The following SLC17A6 variants were observed in gnomAD, a reference collection of about 807,000 sequenced individuals.
The protein encoded by SLC17A6 is vesicular glutamate transporter 2.
SLC17A6 carries 35 observed loss-of-function variants against 67.1 expected under a neutral mutation model. The ratio of observed to expected loss-of-function variants is 0.52; its 90% CI spans 0.40 to 0.69. The LOEUF is 0.69. Among genes scored for constraint, SLC17A6 ranks in the 30% least tolerant of loss-of-function variants. The pLI is 0.00. For missense variants in SLC17A6, 588 were observed against 723.9 expected (o/e 0.81, Z 2.15); for synonymous variants, 285 against 252.3 (o/e 1.13, Z -1.23).
At chr11:22,348,484 G>A (rs1269058204) in intron 3 of SLC17A6, among the ~76,000 whole-genome samples, 1 of 152,146 alleles carries the variant, frequency 6.6e-6, no homozygotes, top group Non-Finnish European at 1.5e-5. Flanking sequence ...CTCCACACTT[G>A]ATAATGACTA....
chr11:22,362,439 AG>A lies in SLC17A6; in HGVS notation c.662-299del, dbSNP rs549312859. Reference sequence around the variant, plus strand: ...TATTGCCATACTCTGTCCCAAGTCCAGCACACAGACATGCAGGACACATGCC... The same window carrying A: ...TATTGCCATACTCTGTCCCAAGTCCACACACAGACATGCAGGACACATGCC... On this transcript the variant is annotated intron_variant, in intron 5 of 11. Coordinates refer to ENST00000263160, the MANE Select transcript of SLC17A6 (RefSeq NM_020346.3). 8.4e-4 allele frequency: 353 copies of A among 420,710 alleles called. 3 individuals carry two copies. The highest frequency in any genetic ancestry group is 3.8e-3 in the South Asian group (157 of 41,008). 26.1% of individuals were successfully genotyped at this position (420,710 alleles called of 1,614,324 possible). A position where few individuals can be genotyped will look rare whatever the true frequency, so the allele number is the denominator to read the frequency against.
At chr11:22,344,646 C>G (rs926490278) in intron 3 of SLC17A6, among the ~76,000 whole-genome samples, 1 of 152,088 alleles carries the variant, frequency 6.6e-6, no homozygotes, top group African/African-American at 2.4e-5. Flanking sequence ...AGTAGACAAA[C>G]AGTCCCTTTA....
rs59936385 is a variant in SLC17A6, at chr11:22,360,526, T to TC, written c.574-360dup. Among the ~76,000 whole-genome samples, 768 of 115,558 alleles carry TC rather than the reference T, an allele frequency of 6.6e-3. 2 individuals carry two copies. Among genetic ancestry groups the TC allele is most frequent in the African/African-American group, 0.014 (469 of 33,398 alleles). 75.8% of individuals were successfully genotyped at this position (115,558 alleles called of 152,430 possible). ...ACGAAACCAAAAAACCCGCTCTCCT[T>TC]CCCCCCCCCCCAAAAAAAAGATAGG... On this transcript the variant is annotated intron_variant, in intron 4 of 11. Transcript: ENST00000263160.
At chr11:22,346,784 C>T (rs533804606) in intron 3 of SLC17A6, among the ~76,000 whole-genome samples, 190 of 148,830 alleles carry the variant, frequency 1.3e-3, no homozygotes, top group African/African-American at 4.4e-3. Flanking sequence ...AACACGGACA[C>T]GTGTTTAATG....
At chr11:22,375,588 C>T (rs894355787) in intron 9 of SLC17A6, among the ~76,000 whole-genome samples, 1 of 151,772 alleles carries the variant, frequency 6.6e-6, no homozygotes, top group African/African-American at 2.4e-5. Flanking sequence ...TCAAGCGATT[C>T]TCTTGCCTCA....
intron 1 of SLC17A6, 142 bp from the exon 2 acceptor site, chr11:22,341,386 C>T (rs754280384): frequency 3.6e-5 from 45 of 1,247,744 alleles, no homozygotes; most frequent in Non-Finnish European, 4.7e-5. Flanking sequence ...CTTGGTGTCA[C>T]CCCACCACCC....
intron 3 of SLC17A6, among the ~76,000 whole-genome samples, chr11:22,349,415 A>G (rs75074262): frequency 0.043 from 6,589 of 152,234 alleles, 451 homozygotes; most frequent in African/African-American, 0.15. Context: ...TTTTCTGACA[A>G]AAGAAAATAC....
chr11:22,343,982 C>T (rs1855848763), intron 3 of SLC17A6, among the ~76,000 whole-genome samples: 1 of 152,092 alleles, frequency 6.6e-6, no homozygotes, highest in Non-Finnish European at 1.5e-5. Context: ...CAACCAAGGT[C>T]CTAGCGCCAG....
chr11:22,359,916 G>A (rs534027064), intron 4 of SLC17A6, among the ~76,000 whole-genome samples: 1 of 151,982 alleles, frequency 6.6e-6, no homozygotes. Context: ...CTTGAATCAC[G>A]ATATGAGTTT....
intron 7 of SLC17A6, among the ~76,000 whole-genome samples, 181 bp downstream of exon 7, chr11:22,365,870 T>C (rs938687036): frequency 1.3e-5 from 2 of 152,212 alleles, no homozygotes; most frequent in African/African-American, 2.4e-5. Flanking sequence ...CCATCTGTCA[T>C]TTATTTTTTT....
At chr11:22,370,906 C>G (rs889680868) in intron 8 of SLC17A6, among the ~76,000 whole-genome samples, 6 of 152,042 alleles carry the variant, frequency 3.9e-5, no homozygotes, top group Non-Finnish European at 4.4e-5. Context: ...CACAAAAATA[C>G]TACTCTATCT....
At chr11:22,374,532 A>G (rs560101171) in intron 8 of SLC17A6, among the ~76,000 whole-genome samples, 15 of 152,038 alleles carry the variant, frequency 9.9e-5, no homozygotes, top group Non-Finnish European at 1.6e-4. Context: ...GTGGCAAAAA[A>G]AAAAAAATTA....
intron 1 of SLC17A6, among the ~76,000 whole-genome samples, chr11:22,339,032 AT>A (rs67463561): frequency 0.12 from 17,421 of 143,622 alleles, 1,320 homozygotes; most frequent in Admixed American, 0.17. Context: ...ATCTAAAAAA[AT>A]AACCAAGAAA....
chr11:22,374,785 G>C lies in SLC17A6; in HGVS notation c.1072G>C (p.Val358Leu). 1 of 1,612,454 alleles carries C rather than the reference G, an allele frequency of 6.2e-7. No homozygotes were observed. Residue 358 changes from valine to leucine, a missense_variant, in exon 9 of 12, where the codon GTA (valine) becomes CTA (leucine). Physicochemically the swap from Val to Leu is conservative, Grantham distance 32. This residue lies in a region of SLC17A6 where 414 missense variants were observed against 563.4 expected (regional missense o/e 0.73). Coordinates refer to ENST00000263160, the MANE Select transcript of SLC17A6 (RefSeq NM_020346.3). ...TATGCTATCTGCTGTGCCACACTTA[G>C]TAATGACAATTATTGTGCCTATTGG... ...VGMLSAVPHL[V>L]MTIIVPIGGQ...
At chr11:22,349,037 C>G (rs1855908523) in intron 3 of SLC17A6, among the ~76,000 whole-genome samples, 1 of 152,108 alleles carries the variant, frequency 6.6e-6, no homozygotes, top group South Asian at 2.1e-4. Context: ...ATCAAACACA[C>G]ACGGACACAC....
At chr11:22,356,070 T>C (rs536139988) in intron 3 of SLC17A6, among the ~76,000 whole-genome samples, 1 of 152,316 alleles carries the variant, frequency 6.6e-6, no homozygotes, top group African/African-American at 2.4e-5. Flanking sequence ...GATTTAAATC[T>C]GAGCTTTACT....
chr11:22,368,138 A>C (rs565578799), intron 7 of SLC17A6, among the ~76,000 whole-genome samples: 4 of 152,284 alleles, frequency 2.6e-5, no homozygotes, highest in African/African-American at 9.6e-5. Context: ...TAGAAAAATG[A>C]TATTCTCCCT....
rs1216453433 is a variant in SLC17A6, at chr11:22,377,560, A to T, written c.1569A>T (p.Glu523Asp). The change falls in exon 12 of 12, where the codon GAA becomes GAT. Residue 523 changes from glutamate to aspartate, a missense_variant. Glu to Asp is a conservative substitution (Grantham distance 45). This residue lies in a region of SLC17A6 where 414 missense variants were observed against 563.4 expected (regional missense o/e 0.73). Transcript: ENST00000263160. ...EEKCGFIHED[E>D]LDEETGDITQ... is the part of the protein sequence containing the mutation. ...AATGTGGATTTATTCATGAAGATGA[A>T]CTCGATGAAGAAACAGGGGACATTA... is the stretch of plus-strand genomic sequence containing the variant. 6.2e-7 allele frequency: 1 copy of T among 1,613,976 alleles called. No homozygotes were observed. Among genetic ancestry groups the T allele is most frequent in the African/African-American group, 1.3e-5 (1 of 74,888 alleles).
chr11:22,373,936 C>T (rs577013570), intron 8 of SLC17A6, among the ~76,000 whole-genome samples: 2 of 152,168 alleles, frequency 1.3e-5, no homozygotes, highest in Non-Finnish European at 2.9e-5. Flanking sequence ...ATTATGAATG[C>T]CATCTGCCAA....
Sources: allele counts gnomAD v4.1 joint callset (sites outside exome capture counted in the v4.1 genomes callset), GRCh38; gene constraint gnomAD v4.1.1; regional missense constraint gnomAD v4.1.1; transcripts MANE v1.5; gene names NCBI Gene and HGNC (gene_info 2026-07-23, HGNC 2026-07-21).